Variants in POLD4 observed in about 807,000 individuals in gnomAD.
POLD4 encodes the protein DNA polymerase delta 4, accessory subunit.
In POLD4, 9 loss-of-function variants were observed where a neutral mutation model predicts 16.5. The ratio of observed to expected loss-of-function variants is 0.55; its 90% CI spans 0.33 to 0.95. The LOEUF is 0.95. Ranked by LOEUF, POLD4 falls within the 40% of genes least tolerant of loss-of-function variation. The probability of loss-of-function intolerance (pLI) is 0.03; values close to 1 mark genes in which losing one functional copy is unlikely to be tolerated. For synonymous variants in POLD4, 62 were observed against 57.6 expected (o/e 1.08, Z -0.35); for missense variants, 129 against 139.7 (o/e 0.92, Z 0.39).
chr11:67,351,891 C>T lies in POLD4; in HGVS notation c.*104G>A, dbSNP rs1202494935. 25 of 1,316,126 alleles carry T rather than the reference C, an allele frequency of 1.9e-5. No individual in the cohort carries two copies. Among genetic ancestry groups the T allele is most frequent in the South Asian group, 3.9e-5 (3 of 77,408 alleles). The allele number at this position is 1,316,126 out of a possible 1,614,324, so 81.5% of individuals were successfully genotyped here. A position where few individuals can be genotyped will look rare whatever the true frequency, so the allele number is the denominator to read the frequency against. On this transcript the variant is annotated 3_prime_UTR_variant, in exon 4 of 4. Transcript: ENST00000312419. The surrounding 1 kb of genome is among the most constrained non-coding windows in gnomAD (Gnocchi z 4.8). ...AGGTTCTGCCTGCCAAGGGTTCCTCCGCAGCCGGGCTGAGCTGAGCAGGAG... is the reference window on the plus strand; with the variant it reads ...AGGTTCTGCCTGCCAAGGGTTCCTCTGCAGCCGGGCTGAGCTGAGCAGGAG...
In POLD4 at chr11:67,351,759, C is replaced by A; in HGVS notation, c.*236G>T. ...AAGGTGATGGCCAGGTCCTTTTCCC[C>A]AGTGACCACTCTCCATCTAGAAGCA... On this transcript the variant is annotated 3_prime_UTR_variant, in exon 4 of 4. Transcript: ENST00000312419. The surrounding 1 kb of genome is among the most constrained non-coding windows in gnomAD (Gnocchi z 4.8). The A allele has an allele frequency of 1.9e-6, 1 of 518,916 alleles. No homozygotes were observed. The highest frequency in any genetic ancestry group is 3.5e-6 in the Non-Finnish European group (1 of 286,318). The allele number at this position is 518,916 out of a possible 1,614,324, so 32.1% of individuals were successfully genotyped here.
intron 3 of POLD4, 47 bp downstream of exon 3, chr11:67,352,643 TG>T: frequency 6.8e-7 from 1 of 1,460,234 alleles, no homozygotes; most frequent in Admixed American, 1.7e-5. Context: ...TGACAGTGCC[TG>T]GAGAAGGCCC....
chr11:67,353,450 G>A lies in POLD4; in HGVS notation c.-51C>T. On this transcript the variant is annotated 5_prime_UTR_variant, in exon 1 of 4. Transcript: ENST00000312419. The stretch of plus-strand genomic sequence containing the variant: ...GGAGGCAACTGCGGGGAAGAGGAGA[G>A]ACCGGCCAGTGGGCGCGAGAAAGAC... The A allele has an allele frequency of 6.6e-7, 1 of 1,524,856 alleles. No homozygotes were observed. The highest frequency in any genetic ancestry group is 1.7e-4 in the Middle Eastern group (1 of 5,834). The allele number at this position is 1,524,856 out of a possible 1,614,324, so 94.5% of individuals were successfully genotyped here. A position where few individuals can be genotyped will look rare whatever the true frequency, so the allele number is the denominator to read the frequency against.
intron 3 of POLD4, 34 bp from the exon 4 acceptor site, chr11:67,352,053 C>CAG (rs747485648): frequency 1.6e-4 from 204 of 1,264,938 alleles, no homozygotes; most frequent in Middle Eastern, 6.5e-4. Context: ...AGGGATACCC[C>CAG]AGAGAGAGAG....
intron 3 of POLD4, 50 bp from the exon 4 acceptor site, chr11:67,352,069 G>T: frequency 7.3e-7 from 1 of 1,375,620 alleles, no homozygotes. Context: ...GAGAGAGAGA[G>T]AAACAGAGAA....
Position 67,353,039 on chromosome 11 carries a change from G to A in POLD4, c.136C>T (p.Leu46=). Reference sequence around the variant, plus strand: ...AGGTCAAACTGCCTCAGCAGCTCCAGCTCCGCTTCCTCCTCGTCGCGGGGC... The same window carrying A: ...AGGTCAAACTGCCTCAGCAGCTCCAACTCCGCTTCCTCCTCGTCGCGGGGC... The part of the protein sequence containing the change: ...PQPRDEEEAE[L]ELLRQFDLAW... The change falls in exon 2 of 4, where the codon CTG becomes TTG. Residue 46 remains leucine (L), a synonymous_variant. Transcript: ENST00000312419. The A allele has an allele frequency of 6.3e-7, 1 of 1,591,252 alleles. No individual in the cohort carries two copies. The highest frequency in any genetic ancestry group is 8.6e-7 in the Non-Finnish European group (1 of 1,168,730).
chr11:67,353,245 G>A (rs2134851586), intron 1 of POLD4, 58 bp downstream of exon 1: 1 of 1,580,076 alleles, frequency 6.3e-7, no homozygotes, highest in Admixed American at 1.7e-5. Context: ...GCCCCTCTAG[G>A]GGCCTCCTCT....
rs1861868869 is a variant in POLD4, at chr11:67,351,564, C to T, written c.*431G>A. On this transcript the variant is annotated 3_prime_UTR_variant, in exon 4 of 4. Coordinates refer to ENST00000312419, the MANE Select transcript of POLD4 (RefSeq NM_021173.5). The surrounding 1 kb of genome is among the most constrained non-coding windows in gnomAD (Gnocchi z 4.8). ...AGGTCAGGATTCCAGGCTCAATATTCTTTATTGATAAGCATTAGTGAACCC... is the reference window on the plus strand; with the variant it reads ...AGGTCAGGATTCCAGGCTCAATATTTTTTATTGATAAGCATTAGTGAACCC... 1 of 167,120 alleles carries T rather than the reference C, an allele frequency of 6.0e-6. No individual in the cohort carries two copies. The highest frequency in any genetic ancestry group is 2.4e-5 in the African/African-American group (1 of 41,796). 10.4% of individuals were successfully genotyped at this position (167,120 alleles called of 1,614,324 possible).
At chr11:67,353,154 G>A (rs1422046659) in intron 1 of POLD4, 77 bp from the exon 2 acceptor site, 47 of 1,501,326 alleles carry the variant, frequency 3.1e-5, no homozygotes, top group Non-Finnish European at 3.8e-5. Flanking sequence ...CCTCACCACC[G>A]CTTTGCCTCT....
chr11:67,352,658 C>A lies in POLD4; in HGVS notation c.299+33G>T, dbSNP rs1861895957. Reference sequence around the variant, plus strand: ...TGACAGTGCCTGGAGAAGGCCCTGGCTCCCCTGAAAGCCCTCCCGGCCTGT... The same window carrying A: ...TGACAGTGCCTGGAGAAGGCCCTGGATCCCCTGAAAGCCCTCCCGGCCTGT... On this transcript the variant is annotated intron_variant, in intron 3 of 3. Coordinates refer to ENST00000312419, the MANE Select transcript of POLD4 (RefSeq NM_021173.5). 5 of 1,558,178 alleles carry A rather than the reference C, an allele frequency of 3.2e-6. No individual in the cohort carries two copies. The East Asian group carries it at 1.1e-4, about 35-fold the overall frequency.
Position 67,352,745 on chromosome 11 carries a change from G to A in POLD4, c.245C>T (p.Pro82Leu). 3.7e-6 allele frequency: 6 copies of A among 1,613,368 alleles called. No individual in the cohort carries two copies. Among genetic ancestry groups the A allele is most frequent in the African/African-American group, 1.3e-5 (1 of 75,014 alleles). ...RAKQMGLEPP[P>L]EVWQVLKTHP... is the part of the protein sequence containing the mutation. ...GGTCTTCAGCACCTGCCACACCTCT[G>A]GGGGAGGCTCCAAGCCCATCTGCTT... Residue 82 changes from proline to leucine, a missense_variant, in exon 3 of 4, where the codon CCA (proline) becomes CTA (leucine). Pro to Leu is a moderately conservative substitution (Grantham distance 98). Transcript: ENST00000312419.
At position 67,353,365 on chromosome 11, in the gene POLD4, G is replaced by A. The variant is rs778149868; in HGVS notation, c.35C>T (p.Pro12Leu). Reference protein sequence around the residue: ...GRKRLITDSYPVVKRREGPAG... With the variant: ...GRKRLITDSYLVVKRREGPAG... ...GGGCCCCTCCCTCCTCTTCACAACCGGGTAGGAATCAGTGATGAGCCGCTT... is the reference window on the plus strand; with the variant it reads ...GGGCCCCTCCCTCCTCTTCACAACCAGGTAGGAATCAGTGATGAGCCGCTT... Residue 12 changes from proline (P) to leucine (L), a missense_variant, in exon 1 of 4, where the codon CCG becomes CTG. Transcript: ENST00000312419. 46 of 1,612,272 alleles carry A rather than the reference G, an allele frequency of 2.9e-5. 1 individual carries two copies. Among genetic ancestry groups the A allele is most frequent in the Non-Finnish European group, 3.8e-5 (45 of 1,179,996 alleles).
Position 67,353,054 on chromosome 11 carries a change from C to A in POLD4, c.121G>T (p.Glu41Ter). The stretch of plus-strand genomic sequence containing the variant: ...AGCAGCTCCAGCTCCGCTTCCTCCT[C>A]GTCGCGGGGCTGGGGCTCCTCCCCT... The part of the protein sequence containing the change: ...ELGEEPQPRD[E>*]EEAELELLRQ... Residue 41 changes from glutamate to a stop codon, truncating the protein, a stop_gained, in exon 2 of 4, where the codon GAG becomes TAG. Coordinates refer to ENST00000312419, the MANE Select transcript of POLD4 (RefSeq NM_021173.5). LOFTEE classifies it high-confidence loss of function. 1 of 1,589,404 alleles carries A rather than the reference C, an allele frequency of 6.3e-7. No individual in the cohort carries two copies. The highest frequency in any genetic ancestry group is 8.6e-7 in the Non-Finnish European group (1 of 1,167,816).
Position 67,353,296 on chromosome 11 carries a change from C to T in POLD4, c.97+7G>A, listed in dbSNP as rs1265469274. 2 of 1,610,128 alleles carry T rather than the reference C, an allele frequency of 1.2e-6. No individual in the cohort carries two copies. Among genetic ancestry groups the T allele is most frequent in the Admixed American group, 3.3e-5 (2 of 59,758 alleles). On this transcript the variant is annotated splice_region_variant and intron_variant, in intron 1 of 3. Transcript: ENST00000312419. ...CACTCCTCCTGCCTCCCTCACACCT[C>T]AGAGACCTAGCTCGGGTGCCAGCTC...
rs1861926523 is a variant in POLD4, at chr11:67,353,539, C to T, written c.-140G>A. On this transcript the variant is annotated 5_prime_UTR_variant, in exon 1 of 4. Coordinates refer to ENST00000312419, the MANE Select transcript of POLD4 (RefSeq NM_021173.5). ...GGCAGACAAGATGACCCAGACAAAC[C>T]GAGAGAGGAAGTCGCCGGGGTCCAG... 2.9e-6 allele frequency: 2 copies of T among 691,414 alleles called. No individual in the cohort carries two copies. Among genetic ancestry groups the T allele is most frequent in the Non-Finnish European group, 4.7e-6 (2 of 423,846 alleles). The allele number at this position is 691,414 out of a possible 1,614,324, so 42.8% of individuals were successfully genotyped here. A position where few individuals can be genotyped will look rare whatever the true frequency, so the allele number is the denominator to read the frequency against.
rs1590905840 is a variant in POLD4, at chr11:67,352,709, T to G, written c.281A>C (p.Asp94Ala). ...VWQVLKTHPG[D>A]PRFQCSLWHL... ...CTCTGACCTGCACTGGAAGCGGGGG[T>G]CTCCGGGGTGGGTCTTCAGCACCTG... Residue 94 changes from aspartate to alanine, a missense_variant, in exon 3 of 4, where the codon GAC (aspartate) becomes GCC (alanine). Coordinates refer to ENST00000312419, the MANE Select transcript of POLD4 (RefSeq NM_021173.5). 1.2e-6 allele frequency: 2 copies of G among 1,606,608 alleles called. No individual in the cohort carries two copies. Among genetic ancestry groups the G allele is most frequent in the Non-Finnish European group, 8.5e-7 (1 of 1,177,626 alleles).
rs752087456 is a variant in POLD4 at position 67,352,687 on chromosome 11, T to C, written c.299+4A>G. The stretch of plus-strand genomic sequence containing the variant: ...CCTGAAAGCCCTCCCGGCCTGTCTC[T>C]GACCTGCACTGGAAGCGGGGGTCTC... On this transcript the variant is annotated splice_donor_region_variant and intron_variant, in intron 3 of 3. Coordinates refer to ENST00000312419, the MANE Select transcript of POLD4 (RefSeq NM_021173.5). 6.2e-7 allele frequency: 1 copy of C among 1,611,248 alleles called. No individual in the cohort carries two copies. The highest frequency in any genetic ancestry group is 1.1e-5 in the South Asian group (1 of 90,944).
chr11:67,352,876 T>TG, intron 2 of POLD4, 74 bp from the exon 3 acceptor site: 2 of 1,265,820 alleles, frequency 1.6e-6, no homozygotes, highest in Non-Finnish European at 1.1e-6. Flanking sequence ...ATGTGTGTGT[T>TG]GGGGGGAGAC....
intron 3 of POLD4, 62 bp downstream of exon 3, chr11:67,352,629 A>G: frequency 7.8e-7 from 1 of 1,288,972 alleles, no homozygotes; most frequent in Non-Finnish European, 1.1e-6. Context: ...TCAGGACAGC[A>G]GGGTGACAGT....
Sources: allele counts gnomAD v4.1 joint callset, GRCh38; gene constraint gnomAD v4.1.1; non-coding constraint Gnocchi (gnomAD v3.1); transcripts MANE v1.5; gene names NCBI Gene and HGNC (gene_info 2026-07-23, HGNC 2026-07-21).